The following ACVR2A variants were observed in gnomAD, a reference collection of about 807,000 sequenced individuals.
ACVR2A encodes the protein activin receptor type-2A.
ACVR2A carries 7 observed loss-of-function variants against 61.4 expected under a neutral mutation model. That is an observed-to-expected ratio of 0.11 (90% CI 0.06 to 0.21). The LOEUF (loss-of-function observed/expected upper bound fraction) is 0.21, where lower values mean the gene tolerates loss of function less well. Ranked by LOEUF, ACVR2A falls within the 10% of genes least tolerant of loss-of-function variation. The pLI, the probability that ACVR2A is intolerant of heterozygous loss-of-function variation, is 1.00. For synonymous variants in ACVR2A, 193 were observed against 208.3 expected (o/e 0.93, Z 0.63); for missense variants, 322 against 621.7 (o/e 0.52, Z 5.13).
intron 1 of ACVR2A, among the ~76,000 whole-genome samples, chr2:147,893,919 T>A (rs1261295043): frequency 2.0e-5 from 3 of 152,172 alleles, no homozygotes; most frequent in Non-Finnish European, 2.9e-5. Context: ...TCATATGTGT[T>A]GTTCTAAGAA....
At chr2:147,878,819 A>G (rs879815240) in intron 1 of ACVR2A, among the ~76,000 whole-genome samples, 2 of 152,104 alleles carry the variant, frequency 1.3e-5, no homozygotes, top group Non-Finnish European at 2.9e-5. Flanking sequence ...TAGGGTGGGA[A>G]GATCAATTGA....
rs1252710001 is a variant in ACVR2A, at chr2:147,902,927, T to G, written c.528+3029T>G. On this transcript the variant is annotated intron_variant, in intron 4 of 10. Coordinates refer to ENST00000241416, the MANE Select transcript of ACVR2A (RefSeq NM_001616.5). ...CTTTAAGTGCTTTTAGACAGTGCCA[T>G]AACATTTGTCATTCTTTTTCTTAGG... is the stretch of plus-strand genomic sequence containing the variant. 5 of 152,152 alleles carry G rather than the reference T, an allele frequency of 3.3e-5. 1 individual carries two copies. Among genetic ancestry groups the G allele is most frequent in the Admixed American group, 1.3e-4 (2 of 15,248 alleles). 9.4% of individuals were successfully genotyped at this position (152,152 alleles called of 1,614,324 possible).
At chr2:147,903,354 C>G (rs1686915755) in intron 4 of ACVR2A, among the ~76,000 whole-genome samples, 1 of 150,698 alleles carries the variant, frequency 6.6e-6, no homozygotes. Context: ...ATTCTTGGCT[C>G]TGTCATTTAC....
At chr2:147,896,539 A>T (rs1558806575) in intron 2 of ACVR2A, 31 bp downstream of exon 2, 1 of 1,599,274 alleles carries the variant, frequency 6.3e-7, no homozygotes. Context: ...TTATGGTAGT[A>T]TTGAGTAATT....
intron 4 of ACVR2A, among the ~76,000 whole-genome samples, chr2:147,902,362 AC>A (rs1164644477): frequency 1.3e-5 from 2 of 151,950 alleles, no homozygotes; most frequent in African/African-American, 2.4e-5. Flanking sequence ...CTTATTACTT[AC>A]GCTGTTCTGC....
chr2:147,901,685 TG>T (rs948501072), intron 4 of ACVR2A, among the ~76,000 whole-genome samples: 17 of 152,000 alleles, frequency 1.1e-4, no homozygotes, highest in Non-Finnish European at 2.5e-4. Context: ...AAGGAAGAAA[TG>T]TAAAGATTTT....
rs1687308481 is a variant in ACVR2A at position 147,918,607 on chromosome 2, T to C, written c.962+15T>C. 3 of 1,588,142 alleles carry C rather than the reference T, an allele frequency of 1.9e-6. No individual in the cohort carries two copies. The highest frequency in any genetic ancestry group is 2.7e-5 in the African/African-American group (2 of 73,400). ...ATATCTCACAGGTAGACTAAATTTA[T>C]ATTGTTTTCCCAGATAATTGAGTAT... On this transcript the variant is annotated intron_variant, in intron 7 of 10. Transcript: ENST00000241416.
At chr2:147,863,434 TA>T (rs1238511334) in intron 1 of ACVR2A, among the ~76,000 whole-genome samples, 1 of 152,198 alleles carries the variant, frequency 6.6e-6, no homozygotes, top group Non-Finnish European at 1.5e-5. Flanking sequence ...AATCCAGATA[TA>T]ACTTTTGACT....
intron 9 of ACVR2A, chr2:147,925,601 A>G (rs1687483626): frequency 6.5e-6 from 1 of 153,076 alleles, no homozygotes; most frequent in South Asian, 2.1e-4. Flanking sequence ...GATATGCCAT[A>G]GAATAAACAT....
At chr2:147,848,241 A>T (rs1015549158) in intron 1 of ACVR2A, among the ~76,000 whole-genome samples, 8 of 152,200 alleles carry the variant, frequency 5.3e-5, no homozygotes, top group African/African-American at 1.9e-4. Context: ...AATATAATAC[A>T]TTGAAACATG....
In ACVR2A at chr2:147,896,285, T is replaced by C. The variant is rs754773948; in HGVS notation, c.56-16T>C. 2 of 1,594,796 alleles carry C rather than the reference T, an allele frequency of 1.3e-6. No homozygotes were observed. The highest frequency in any genetic ancestry group is 1.7e-5 in the Admixed American group (1 of 59,098). On this transcript the variant is annotated splice_polypyrimidine_tract_variant and intron_variant, in intron 1 of 10. Transcript: ENST00000241416. The stretch of plus-strand genomic sequence containing the variant: ...ACAGATAATGTGGTTATATTATTGT[T>C]TTTATTATCTTATAGGTGCTATACT...
intron 6 of ACVR2A, 117 bp downstream of exon 6, chr2:147,917,543 C>G (rs1040618281): frequency 1.8e-6 from 2 of 1,105,902 alleles, no homozygotes; most frequent in Admixed American, 6.2e-5. Flanking sequence ...TAATATTTAA[C>G]CTGAAAATAA....
chr2:147,849,144 G>T (rs1028643158), intron 1 of ACVR2A, among the ~76,000 whole-genome samples: 13 of 151,972 alleles, frequency 8.6e-5, no homozygotes, highest in African/African-American at 2.7e-4. Context: ...TCCTATCACC[G>T]ATTTTGATAG....
chr2:147,848,967 A>C (rs910893541), intron 1 of ACVR2A, among the ~76,000 whole-genome samples: 2 of 152,180 alleles, frequency 1.3e-5, no homozygotes, highest in African/African-American at 4.8e-5. Context: ...TTGTATTGAA[A>C]GATTTTTATC....
At chr2:147,914,723 A>C (rs1176869341) in intron 4 of ACVR2A, among the ~76,000 whole-genome samples, 1 of 152,022 alleles carries the variant, frequency 6.6e-6, no homozygotes, top group Non-Finnish European at 1.5e-5. Context: ...GAGATTAATG[A>C]AGAAAAAATT....
rs1687490697 is a variant in ACVR2A at position 147,925,964 on chromosome 2, T to A, written c.1217-67T>A. 3 of 1,516,742 alleles carry A rather than the reference T, an allele frequency of 2.0e-6. No homozygotes were observed. In the Admixed American group the frequency reaches 5.6e-5, roughly 28 times the overall value. The allele number at this position is 1,516,742 out of a possible 1,614,324, so 94.0% of individuals were successfully genotyped here. A position where few individuals can be genotyped will look rare whatever the true frequency, so the allele number is the denominator to read the frequency against. On this transcript the variant is annotated intron_variant, in intron 9 of 10. Transcript: ENST00000241416. ...GGTGACAGAGTATATTTTAGAAAGTTTGTACCAGTTTGAAAGTCAGGAGGA... is the reference window on the plus strand; with the variant it reads ...GGTGACAGAGTATATTTTAGAAAGTATGTACCAGTTTGAAAGTCAGGAGGA...
chr2:147,871,245 A>G (rs970020370), intron 1 of ACVR2A, among the ~76,000 whole-genome samples: 37 of 152,114 alleles, frequency 2.4e-4, no homozygotes, highest in African/African-American at 8.7e-4. Context: ...TACATTTGCT[A>G]GGAAGAAATT....
intron 1 of ACVR2A, among the ~76,000 whole-genome samples, chr2:147,885,550 T>C (rs975148775): frequency 1.3e-5 from 2 of 152,248 alleles, no homozygotes; most frequent in South Asian, 4.1e-4. Context: ...AGTATGTACC[T>C]GTAGCACAAT....
chr2:147,903,474 G>T (rs7581537), intron 4 of ACVR2A, among the ~76,000 whole-genome samples: 136,126 of 151,770 alleles, frequency 0.9, 62,618 homozygotes, highest in East Asian at 1. Context: ...GCCTTCTTGC[G>T]TCCATTTCTC....
Sources: allele counts gnomAD v4.1 joint callset (sites outside exome capture counted in the v4.1 genomes callset), GRCh38; gene constraint gnomAD v4.1.1; transcripts MANE v1.5; gene names NCBI Gene and HGNC (gene_info 2026-07-23, HGNC 2026-07-21).